The following RBFOX1 variants were observed in gnomAD, a reference collection of about 807,000 sequenced individuals.
RBFOX1 encodes RNA binding protein fox-1 homolog 1.
A neutral mutation model predicts 57.7 loss-of-function variants in RBFOX1; 8 were observed. The ratio of observed to expected loss-of-function variants is 0.14; its 90% confidence interval spans 0.08 to 0.25. The LOEUF (loss-of-function observed/expected upper bound fraction) is 0.25, where lower values mean the gene tolerates loss of function less well. Among genes scored for constraint, RBFOX1 ranks in the 10% least tolerant of loss-of-function variants. RBFOX1 has a pLI of 1.00. For missense variants in RBFOX1, 611 were observed against 548.5 expected (o/e 1.11, Z -1.14); for synonymous variants, 326 against 222.4 (o/e 1.47, Z -4.15).
intron 3 of RBFOX1, among the ~76,000 whole-genome samples, chr16:6,799,142 G>C (rs183576882): frequency 1.3e-5 from 2 of 151,998 alleles, no homozygotes; most frequent in African/African-American, 2.4e-5. Context: ...GCTCAGCTTC[G>C]AAGAGTTCTT....
chr16:6,278,606 C>G (rs1327319248), intron 1 of RBFOX1, among the ~76,000 whole-genome samples: 1 of 151,858 alleles, frequency 6.6e-6, no homozygotes, highest in Non-Finnish European at 1.5e-5. Flanking sequence ...TATCGTGGGT[C>G]TCTACAAAGA....
At chr16:5,781,528 A>G (rs914676560) in intron 3 of RBFOX1, among the ~76,000 whole-genome samples, 4 of 152,182 alleles carry the variant, frequency 2.6e-5, no homozygotes, top group Admixed American at 2.0e-4. Flanking sequence ...GAATTGGCAA[A>G]CTTTTTTCTG....
chr16:6,051,979 C>T (rs549445882), intron 1 of RBFOX1, among the ~76,000 whole-genome samples: 4 of 152,300 alleles, frequency 2.6e-5, no homozygotes, highest in South Asian at 2.1e-4. Context: ...ACAAGTTTGA[C>T]GCCTAATAAA....
rs1051958797 is a variant in RBFOX1 at position 6,994,852 on chromosome 16, C to G, written c.-15-57205C>G. Among the ~76,000 whole-genome samples, 6 of 152,128 alleles carry G rather than the reference C, an allele frequency of 3.9e-5. 1 individual carries two copies. Among genetic ancestry groups the G allele is most frequent in the Non-Finnish European group, 8.8e-5 (6 of 68,040 alleles). Reference sequence around the variant, plus strand: ...AAAAATTCACTTTTGATGGTAGACACAAGGTGAGATGTTATCAAAACAAAA... The same window carrying G: ...AAAAATTCACTTTTGATGGTAGACAGAAGGTGAGATGTTATCAAAACAAAA... On this transcript the variant is annotated intron_variant, in intron 3 of 15. Coordinates refer to ENST00000550418, the MANE Select transcript of RBFOX1 (RefSeq NM_018723.4).
chr16:5,894,296 T>G (rs965093033), intron 4 of RBFOX1, among the ~76,000 whole-genome samples: 1 of 152,222 alleles, frequency 6.6e-6, no homozygotes, highest in Non-Finnish European at 1.5e-5. Flanking sequence ...ACTTTTTTTT[T>G]GTATGAGATG....
At chr16:5,816,054 T>C (rs7193758) in intron 3 of RBFOX1, among the ~76,000 whole-genome samples, 105,614 of 152,112 alleles carry the variant, frequency 0.69, 36,826 homozygotes, top group South Asian at 0.73. Context: ...TGGCTAGGGC[T>C]GATAAGGTCA....
At chr16:7,549,086 G>A (rs1047177638) in intron 5 of RBFOX1, among the ~76,000 whole-genome samples, 3 of 152,192 alleles carry the variant, frequency 2.0e-5, no homozygotes, top group Admixed American at 1.3e-4. Context: ...CATTTAAGCC[G>A]ATGACTAAGT....
chr16:6,487,312 AT>A (rs931396568), intron 2 of RBFOX1, among the ~76,000 whole-genome samples: 2 of 151,908 alleles, frequency 1.3e-5, no homozygotes, highest in Non-Finnish European at 2.9e-5. Flanking sequence ...TATGCTTCCA[AT>A]TTTTCCTGCT....
At chr16:7,537,809 T>C (rs1301007162) in intron 5 of RBFOX1, among the ~76,000 whole-genome samples, 1 of 152,212 alleles carries the variant, frequency 6.6e-6, no homozygotes, top group Admixed American at 6.5e-5. Flanking sequence ...GAATGCAGAC[T>C]AGAGCCTTTG....
intron 7 of RBFOX1, among the ~76,000 whole-genome samples, chr16:7,592,979 C>T (rs1394132377): frequency 1.5e-5 from 2 of 137,598 alleles, no homozygotes; most frequent in African/African-American, 2.7e-5. Flanking sequence ...TCACACCTGG[C>T]TTTTTTTTTT....
rs573372051 is a variant in RBFOX1 at position 7,360,933 on chromosome 16, C to T, written c.28-157214C>T. Among the ~76,000 whole-genome samples the T allele has an allele frequency of 2.4e-4, 36 of 152,268 alleles. No homozygotes were observed. In the South Asian group the frequency reaches 3.3e-3, roughly 14 times the overall value. On this transcript the variant is annotated intron_variant, in intron 4 of 15. Coordinates refer to ENST00000550418, the MANE Select transcript of RBFOX1 (RefSeq NM_018723.4). ...TATCCTTGGAGAGTCTCATCCACTG[C>T]GTATGAGTTTTTCTTCTTTCATTCC...
chr16:5,748,776 G>T (rs1002994100), intron 3 of RBFOX1, among the ~76,000 whole-genome samples: 1 of 152,124 alleles, frequency 6.6e-6, no homozygotes, highest in African/African-American at 2.4e-5. Flanking sequence ...CTGCACATGA[G>T]ATGGGTTTCC....
upstream of RBFOX1, among the ~76,000 whole-genome samples, chr16:6,014,550 C>G (rs1440565066): frequency 6.6e-6 from 1 of 152,132 alleles, no homozygotes; most frequent in Admixed American, 6.5e-5. Flanking sequence ...TATTGAGTAT[C>G]TGCCATGTGC....
intron 4 of RBFOX1, among the ~76,000 whole-genome samples, chr16:7,358,445 G>T (rs1163235963): frequency 6.6e-6 from 1 of 151,790 alleles, no homozygotes; most frequent in African/African-American, 2.4e-5. Flanking sequence ...TTTTGAGGTG[G>T]AGTTTTGTTC....
chr16:5,354,753 TTCG>T lies in RBFOX1; in HGVS notation c.220-112462_220-112460del, dbSNP rs143553152. ...CAAACGTTCACGCAGCATTATTCAT[TTCG>T]AAGGTACCAGGGCAGGCTGGAGGGA... On this transcript the variant is annotated intron_variant, in intron 1 of 2. Coordinates refer to the RBFOX1 transcript ENST00000585867. Among the ~76,000 whole-genome samples, 1,223 of 152,338 alleles carry T rather than the reference TTCG, an allele frequency of 8.0e-3. 19 individuals carry two copies. Among genetic ancestry groups the T allele is most frequent in the African/African-American group, 0.028 (1,164 of 41,574 alleles).
At chr16:6,115,896 GT>G (rs2096491716) in intron 1 of RBFOX1, among the ~76,000 whole-genome samples, 1 of 152,054 alleles carries the variant, frequency 6.6e-6, no homozygotes, top group Non-Finnish European at 1.5e-5. Context: ...GTAATACTAT[GT>G]GCACTAGTGA....
At chr16:5,827,034 C>T (rs920277182) in intron 3 of RBFOX1, among the ~76,000 whole-genome samples, 8 of 152,162 alleles carry the variant, frequency 5.3e-5, no homozygotes, top group African/African-American at 1.4e-4. Flanking sequence ...TTGGAGCATC[C>T]TTGACTCTAC....
At chr16:5,741,471 A>G (rs1488040703) in intron 3 of RBFOX1, among the ~76,000 whole-genome samples, 1 of 152,244 alleles carries the variant, frequency 6.6e-6, no homozygotes, top group Admixed American at 6.5e-5. Flanking sequence ...CAGCCTGGGA[A>G]AGACTTTCAG....
rs180783233 is a variant in RBFOX1, at chr16:5,639,696, C to T, written c.318+40735C>T. On this transcript the variant is annotated intron_variant, in intron 3 of 19. Transcript: ENST00000641259. The stretch of plus-strand genomic sequence containing the variant: ...CTCACCCATGCACATGCCTACCAGG[C>T]TGTAGGTGGCTGAGGTGGGAGGCTG... Among the ~76,000 whole-genome samples the T allele has an allele frequency of 1.2e-4, 18 of 152,258 alleles. No individual in the cohort carries two copies. In the East Asian group the frequency reaches 3.3e-3, roughly 28 times the overall value.
Sources: gnomAD v4.1 joint callset for allele counts (sites outside exome capture counted in the v4.1 genomes callset) on GRCh38, gnomAD v4.1.1 for gene constraint, MANE v1.5 for transcripts, NCBI Gene and HGNC (gene_info 2026-07-23, HGNC 2026-07-21) for gene names.